The following MGAT4C variants were observed in gnomAD, a reference collection of about 807,000 sequenced individuals.
MGAT4C encodes MGAT4 family member C.
Under a neutral mutation model 40.1 loss-of-function variants are expected in MGAT4C, and 19 were observed. The ratio of observed to expected loss-of-function variants is 0.47; its 90% CI spans 0.33 to 0.70. MGAT4C has a LOEUF of 0.70. Ranked by LOEUF, MGAT4C falls within the 30% of genes least tolerant of loss-of-function variation. The pLI, the probability that MGAT4C is intolerant of heterozygous loss-of-function variation, is 0.02. For missense variants in MGAT4C, 491 were observed against 563.2 expected (o/e 0.87, Z 1.30); for synonymous variants, 181 against 187.1 (o/e 0.97, Z 0.27).
intron 2 of MGAT4C, among the ~76,000 whole-genome samples, chr12:86,502,120 T>A (rs1258661019): frequency 2.0e-5 from 3 of 152,156 alleles, no homozygotes; most frequent in African/African-American, 7.2e-5. Flanking sequence ...AGTCTGTGTA[T>A]CATTTGATGG....
intron 1 of MGAT4C, among the ~76,000 whole-genome samples, chr12:86,196,394 T>C (rs73177272): frequency 0.014 from 2,130 of 152,328 alleles, 26 homozygotes; most frequent in South Asian, 0.024. Flanking sequence ...CCCATCCCTG[T>C]GGCCTGGGCA....
intron 2 of MGAT4C, among the ~76,000 whole-genome samples, chr12:85,999,653 C>G (rs1333417262): frequency 1.3e-5 from 2 of 150,386 alleles, no homozygotes; most frequent in East Asian, 4.0e-4. Flanking sequence ...AGAATGAATA[C>G]TATTTAGCCA....
chr12:86,575,855 C>A (rs753432162), intron 2 of MGAT4C, among the ~76,000 whole-genome samples: 1 of 151,778 alleles, frequency 6.6e-6, no homozygotes, highest in Admixed American at 6.6e-5. Flanking sequence ...TTCTCCAATC[C>A]TTGTCATTTG....
chr12:86,838,304 A>C (rs926956408), intron 1 of MGAT4C, among the ~76,000 whole-genome samples: 7 of 152,210 alleles, frequency 4.6e-5, no homozygotes, highest in African/African-American at 1.7e-4. Flanking sequence ...GTTTTAAAAG[A>C]TTCAAAAATA....
intron 2 of MGAT4C, among the ~76,000 whole-genome samples, chr12:86,013,235 AT>A (rs370444761): frequency 2.2e-4 from 34 of 152,284 alleles, no homozygotes; most frequent in African/African-American, 7.5e-4. Context: ...CATTGAAATT[AT>A]TTTGAAGTGA....
intron 2 of MGAT4C, among the ~76,000 whole-genome samples, chr12:86,618,521 C>A (rs891547228): frequency 2.0e-5 from 3 of 152,008 alleles, no homozygotes; most frequent in Non-Finnish European, 4.4e-5. Flanking sequence ...TTTGTCATTT[C>A]GAGCAACATA....
chr12:86,212,575 A>C (rs540876137), intron 1 of MGAT4C, among the ~76,000 whole-genome samples: 5 of 152,144 alleles, frequency 3.3e-5, no homozygotes, highest in Non-Finnish European at 7.4e-5. Flanking sequence ...TAGTTACCCA[A>C]AAAGAAAAAC....
intron 1 of MGAT4C, among the ~76,000 whole-genome samples, chr12:86,237,305 G>A (rs1384760769): frequency 1.3e-5 from 2 of 151,436 alleles, no homozygotes; most frequent in East Asian, 1.9e-4. Flanking sequence ...ATAATCCTAC[G>A]TTTTCTTATC....
At chr12:86,712,852 C>T (rs886677173) in intron 2 of MGAT4C, among the ~76,000 whole-genome samples, 2 of 152,068 alleles carry the variant, frequency 1.3e-5, no homozygotes, top group African/African-American at 4.8e-5. Context: ...TATTTTTCCA[C>T]CACCCAATAC....
chr12:86,662,826 C>A (rs1964013035), intron 2 of MGAT4C, among the ~76,000 whole-genome samples: 1 of 152,142 alleles, frequency 6.6e-6, no homozygotes, highest in Non-Finnish European at 1.5e-5. Flanking sequence ...TGAAAGGCCA[C>A]AAGTAAGCCA....
rs575957206 is a variant in MGAT4C at position 86,496,782 on chromosome 12, TA to T, written c.-228-61518del. Among the ~76,000 whole-genome samples, 500 of 152,142 alleles carry T rather than the reference TA, an allele frequency of 3.3e-3. 2 individuals carry two copies. The highest frequency in any genetic ancestry group is 0.012 in the African/African-American group (483 of 41,546). ...ATTGAGCTCACCATTCAGCCTTTTA[TA>T]AAACGTTCATCACTAAATGCTTTTA... is the stretch of plus-strand genomic sequence containing the variant. On this transcript the variant is annotated intron_variant, in intron 2 of 7. Transcript: ENST00000548651.
chr12:86,009,011 T>C (rs1888186322), intron 2 of MGAT4C, among the ~76,000 whole-genome samples: 1 of 152,116 alleles, frequency 6.6e-6, no homozygotes. Context: ...ATTTATGTTC[T>C]TCAGAAATAT....
intron 2 of MGAT4C, among the ~76,000 whole-genome samples, chr12:86,582,011 T>C (rs1960797714): frequency 6.6e-6 from 1 of 151,468 alleles, no homozygotes. Flanking sequence ...TAAGTATCTA[T>C]GATAAGTACA....
Position 85,967,081 on chromosome 12 carries a change from T to C in MGAT4C, c.*12208A>G. ...TTCTTAGTTATTTGAAAATAGTTTT[T>C]TTGAATTCACAAACTTGCAGGATGA... On this transcript the variant is annotated 3_prime_UTR_variant, in exon 5 of 5. Transcript: ENST00000611864. The C allele has an allele frequency of 6.6e-6, 1 of 152,166 alleles. No individual in the cohort carries two copies. Among genetic ancestry groups the C allele is most frequent in the East Asian group, 1.9e-4 (1 of 5,184 alleles). The allele number at this position is 152,166 out of a possible 1,614,324, so 9.4% of individuals were successfully genotyped here. A position where few individuals can be genotyped will look rare whatever the true frequency, so the allele number is the denominator to read the frequency against.
intron 2 of MGAT4C, among the ~76,000 whole-genome samples, chr12:86,491,947 G>A (rs1453049627): frequency 5.3e-5 from 8 of 151,928 alleles, no homozygotes; most frequent in Admixed American, 4.6e-4. Context: ...CTTCAGCAAA[G>A]TCTCAGGATA....
intron 2 of MGAT4C, among the ~76,000 whole-genome samples, chr12:86,041,590 C>T (rs1891851620): frequency 6.6e-6 from 1 of 152,118 alleles, no homozygotes; most frequent in African/African-American, 2.4e-5. Context: ...ACAAGTCATT[C>T]AGGATTAGGT....
At chr12:86,708,231 T>C (rs754643360) in intron 2 of MGAT4C, among the ~76,000 whole-genome samples, 20 of 152,208 alleles carry the variant, frequency 1.3e-4, no homozygotes, top group Non-Finnish European at 2.1e-4. Flanking sequence ...GAGGCAAAAG[T>C]ACAGCTTGGA....
chr12:86,463,134 C>G (rs1368156338), intron 2 of MGAT4C, among the ~76,000 whole-genome samples: 1 of 152,102 alleles, frequency 6.6e-6, no homozygotes, highest in Admixed American at 6.5e-5. Context: ...ACACCCTGTC[C>G]TTTTGTGTAG....
At chr12:86,747,664 G>T (rs762534005) in intron 1 of MGAT4C, among the ~76,000 whole-genome samples, 11 of 151,542 alleles carry the variant, frequency 7.3e-5, no homozygotes, top group Non-Finnish European at 1.5e-4. Context: ...ATTGATAACA[G>T]TTATAGAGCT....
Sources: gnomAD v4.1 joint callset for allele counts (sites outside exome capture counted in the v4.1 genomes callset) on GRCh38, gnomAD v4.1.1 for gene constraint, MANE v1.5 for transcripts, NCBI Gene and HGNC (gene_info 2026-07-23, HGNC 2026-07-21) for gene names.